MRTFB: variants seen among roughly 807,000 people sequenced by gnomAD.
MRTFB encodes the protein myocardin-related transcription factor B.
In MRTFB, 29 loss-of-function variants were observed where a neutral mutation model predicts 104.2. That is an observed-to-expected ratio of 0.28 (90% CI 0.21 to 0.38). The LOEUF is 0.38. Ranked by LOEUF, MRTFB falls within the 10% of genes least tolerant of loss-of-function variation. MRTFB has a pLI of 1.00. For synonymous variants in MRTFB, 535 were observed against 519.5 expected (o/e 1.03, Z -0.41); for missense variants, 1,270 against 1,341.6 (o/e 0.95, Z 0.83).
the MRTFB span, among the ~76,000 whole-genome samples, chr16:14,002,105 A>G: frequency 6.6e-6 from 1 of 152,242 alleles, no homozygotes; most frequent in Non-Finnish European, 1.5e-5. Flanking sequence ...AGATTAGGCC[A>G]GGCATGGTGG....
chr16:14,130,735 G>A (rs1024387123), intron 2 of MRTFB, among the ~76,000 whole-genome samples: 131 of 152,256 alleles, frequency 8.6e-4, no homozygotes, highest in African/African-American at 2.6e-3. Context: ...ACATACCCAA[G>A]ACTGGGTAAT....
At chr16:14,154,558 T>A (rs2038756100) in intron 3 of MRTFB, among the ~76,000 whole-genome samples, 1 of 152,206 alleles carries the variant, frequency 6.6e-6, no homozygotes, top group Non-Finnish European at 1.5e-5. Flanking sequence ...TGCTTTGTAG[T>A]GAATTTCTTT....
intron 2 of MRTFB, among the ~76,000 whole-genome samples, chr16:14,131,052 G>A (rs2037414533): frequency 6.6e-6 from 1 of 152,234 alleles, no homozygotes; most frequent in Non-Finnish European, 1.5e-5. Flanking sequence ...ACCATATCAT[G>A]TGCTATGACC....
Position 14,263,378 on chromosome 16 carries a change from A to T in MRTFB, c.*1934A>T, listed in dbSNP as rs1292024623. 1 of 152,032 alleles carries T rather than the reference A, an allele frequency of 6.6e-6. No homozygotes were observed. The highest frequency in any genetic ancestry group is 1.5e-5 in the Non-Finnish European group (1 of 68,022). 9.4% of individuals were successfully genotyped at this position (152,032 alleles called of 1,614,324 possible). ...TCCAGGGCCAGGCTATTTACTTGGG[A>T]AAGTATTTTTCTTACAGTTCTTGGC... On this transcript the variant is annotated 3_prime_UTR_variant, in exon 17 of 17. Coordinates refer to ENST00000571589, the MANE Select transcript of MRTFB (RefSeq NM_001308142.2).
chr16:14,015,815 T>C, the MRTFB span: 1 of 398,254 alleles, frequency 2.5e-6, no homozygotes, highest in South Asian at 1.3e-4. Context: ...TGAAGAAGGC[T>C]GTTGCCACCA....
At chr16:14,192,788 T>C (rs973530401) in intron 3 of MRTFB, among the ~76,000 whole-genome samples, 1 of 152,174 alleles carries the variant, frequency 6.6e-6, no homozygotes, top group Non-Finnish European at 1.5e-5. Flanking sequence ...ATGTTTCCAA[T>C]GGGCCTTTTA....
chr16:14,128,491 T>G (rs1486481198), intron 2 of MRTFB, among the ~76,000 whole-genome samples: 1 of 152,220 alleles, frequency 6.6e-6, no homozygotes, highest in Non-Finnish European at 1.5e-5. Flanking sequence ...TGCCTTCACC[T>G]ACTGCGGCCT....
chr16:14,137,451 A>G (rs1247060148), intron 2 of MRTFB, among the ~76,000 whole-genome samples: 1 of 152,124 alleles, frequency 6.6e-6, no homozygotes, highest in Admixed American at 6.5e-5. Flanking sequence ...ATCTATACCT[A>G]AAGGATCTTC....
chr16:14,089,222 C>G (rs1424787885), intron 2 of MRTFB, among the ~76,000 whole-genome samples: 1 of 151,316 alleles, frequency 6.6e-6, no homozygotes, highest in Non-Finnish European at 1.5e-5. Context: ...TTAGTATTCT[C>G]ACAGAGTTGT....
At chr16:14,196,760 T>G (rs1290774135) in intron 3 of MRTFB, among the ~76,000 whole-genome samples, 1 of 152,186 alleles carries the variant, frequency 6.6e-6, no homozygotes, top group African/African-American at 2.4e-5. Context: ...GAAGTTTGCT[T>G]ACCCAGTGCA....
chr16:14,028,876 TC>T, the MRTFB span, among the ~76,000 whole-genome samples: 1 of 152,146 alleles, frequency 6.6e-6, no homozygotes, highest in South Asian at 2.1e-4. Context: ...TTCACCTTAC[TC>T]CTCACCATGT....
the MRTFB span, among the ~76,000 whole-genome samples, chr16:13,998,477 T>G: frequency 6.6e-6 from 1 of 151,918 alleles, no homozygotes; most frequent in Non-Finnish European, 1.5e-5. Context: ...AGCAAGACCC[T>G]CTACAAAAAT....
At chr16:14,085,417 A>G (rs1318841570) in intron 2 of MRTFB, among the ~76,000 whole-genome samples, 2 of 147,590 alleles carry the variant, frequency 1.4e-5, no homozygotes, top group Admixed American at 1.4e-4. Context: ...AGATCGCACC[A>G]CTGCACTCCA....
the MRTFB span, among the ~76,000 whole-genome samples, chr16:14,023,606 CACACATACATATACATATACAT>C: frequency 5.1e-5 from 2 of 39,594 alleles, no homozygotes; most frequent in Non-Finnish European, 1.1e-4. Context: ...CACACACACA[CACACATACATATACATATACAT>C]ATACATATAC....
intron 7 of MRTFB, among the ~76,000 whole-genome samples, chr16:14,218,303 C>T (rs2041518375): frequency 2.0e-5 from 3 of 152,162 alleles, no homozygotes; most frequent in East Asian, 1.9e-4. Flanking sequence ...TCATGATCCA[C>T]CCGCCTCAGC....
At chr16:14,044,785 G>A in the MRTFB span, among the ~76,000 whole-genome samples, 1 of 152,168 alleles carries the variant, frequency 6.6e-6, no homozygotes, top group Non-Finnish European at 1.5e-5. Flanking sequence ...CATCAAGGTG[G>A]CATTCGGGAT....
the MRTFB span, among the ~76,000 whole-genome samples, chr16:14,038,686 C>T: frequency 1.3e-5 from 2 of 152,142 alleles, no homozygotes; most frequent in African/African-American, 4.8e-5. Flanking sequence ...TCAACCAATA[C>T]ACAGTTATTA....
the MRTFB span, among the ~76,000 whole-genome samples, chr16:14,064,436 A>T: frequency 1.3e-5 from 2 of 152,102 alleles, no homozygotes; most frequent in Non-Finnish European, 2.9e-5. Flanking sequence ...TACTCTGTTG[A>T]TAGTTTCTTA....
At chr16:14,080,045 C>T (rs1310992959) in intron 2 of MRTFB, among the ~76,000 whole-genome samples, 2 of 152,132 alleles carry the variant, frequency 1.3e-5, no homozygotes, top group African/African-American at 4.8e-5. Context: ...CCTAATGTTC[C>T]ATCTTTTAGA....
Sources: gnomAD v4.1 joint callset for allele counts (sites outside exome capture counted in the v4.1 genomes callset) on GRCh38, gnomAD v4.1.1 for gene constraint, MANE v1.5 for transcripts, NCBI Gene and HGNC (gene_info 2026-07-23, HGNC 2026-07-21) for gene names.